The following AATF variants were observed in gnomAD, a reference collection of about 807,000 sequenced individuals.
The protein encoded by AATF is apoptosis antagonizing transcription factor, also known as protein AATF.
Under a neutral mutation model 63.7 loss-of-function variants are expected in AATF, and 48 were observed. The observed-to-expected ratio is 0.75, with a 90% CI of 0.60 to 0.96. The LOEUF is 0.96. Among genes scored for constraint, AATF ranks in the 40% least tolerant of loss-of-function variants. The pLI is 0.00. For missense variants in AATF, 639 were observed against 685.7 expected (o/e 0.93, Z 0.76); for synonymous variants, 258 against 247.7 (o/e 1.04, Z -0.39).
chr17:37,021,243 T>A (rs566697892), intron 10 of AATF: 1 of 422,240 alleles, frequency 2.4e-6, no homozygotes, highest in Non-Finnish European at 4.2e-6. Flanking sequence ...TGAAATAATA[T>A]ATGCATTCCC....
chr17:37,040,981 CT>C (rs2071633742), intron 11 of AATF, among the ~76,000 whole-genome samples: 1 of 152,166 alleles, frequency 6.6e-6, no homozygotes, highest in African/African-American at 2.4e-5. Context: ...CTATCACCTA[CT>C]TTTCTTAGAG....
intron 11 of AATF, among the ~76,000 whole-genome samples, chr17:37,054,221 C>T (rs961521240): frequency 6.6e-6 from 1 of 152,140 alleles, no homozygotes; most frequent in African/African-American, 2.4e-5. Context: ...CCCCATGCTG[C>T]TCCTGGGCCC....
At chr17:37,038,264 C>T (rs2071608818) in intron 11 of AATF, among the ~76,000 whole-genome samples, 2 of 152,140 alleles carry the variant, frequency 1.3e-5, no homozygotes, top group African/African-American at 2.4e-5. Flanking sequence ...TTGACAGACC[C>T]TCTGAGGCAG....
In AATF at chr17:36,949,129, G is replaced by T; in HGVS notation, c.4G>T (p.Ala2Ser). The change falls in exon 1 of 12, where the codon GCG (alanine) becomes TCG (serine). Residue 2 changes from alanine (A) to serine (S), a missense_variant. Physicochemically the swap from Ala to Ser is moderately conservative, Grantham distance 99. Coordinates refer to ENST00000619387, the MANE Select transcript of AATF (RefSeq NM_012138.4). M[A>S]GPQPLALQLE... ...AGTGGACCGGGAGCTGGTGACGATG[G>T]CGGGGCCGCAGCCCCTGGCGCTGCA... is the stretch of plus-strand genomic sequence containing the variant. 1 of 1,577,064 alleles carries T rather than the reference G, an allele frequency of 6.3e-7. No homozygotes were observed. The highest frequency in any genetic ancestry group is 8.6e-7 in the Non-Finnish European group (1 of 1,162,772).
chr17:36,963,914 C>T (rs113453799), intron 4 of AATF, among the ~76,000 whole-genome samples: 3,143 of 152,140 alleles, frequency 0.021, 118 homozygotes, highest in African/African-American at 0.071. Flanking sequence ...CAGTGGCTCA[C>T]GCCTGTAACC....
At chr17:36,967,501 C>T (rs1008071599) in intron 4 of AATF, among the ~76,000 whole-genome samples, 15 of 152,210 alleles carry the variant, frequency 9.9e-5, no homozygotes, top group African/African-American at 3.6e-4. Context: ...CCTTAAGTCT[C>T]TCCCAGAGCT....
At chr17:37,055,493 C>G (rs577688054) in intron 11 of AATF, 126 of 152,246 alleles carry the variant, frequency 8.3e-4, no homozygotes, top group African/African-American at 2.6e-3. Flanking sequence ...TTTGGTTTTG[C>G]TTTTAAAGTC....
chr17:36,963,080 T>G (rs76247712), intron 4 of AATF, among the ~76,000 whole-genome samples: 6,234 of 152,070 alleles, frequency 0.041, 420 homozygotes, highest in African/African-American at 0.14. Context: ...GATCGCACCA[T>G]TGCACTCCAG....
At chr17:37,030,896 A>G (rs546827103) in intron 10 of AATF, among the ~76,000 whole-genome samples, 5 of 152,274 alleles carry the variant, frequency 3.3e-5, no homozygotes, top group Admixed American at 2.6e-4. Context: ...TGCTTAAGAT[A>G]TATGTAGAGG....
chr17:36,956,110 G>C (rs144861616), intron 4 of AATF, among the ~76,000 whole-genome samples: 4 of 152,038 alleles, frequency 2.6e-5, no homozygotes, highest in African/African-American at 9.7e-5. Context: ...CTTTTATTTT[G>C]TTCTGATCTT....
At chr17:36,973,463 AAG>A (rs2071055581) in intron 4 of AATF, among the ~76,000 whole-genome samples, 1 of 152,178 alleles carries the variant, frequency 6.6e-6, no homozygotes, top group Non-Finnish European at 1.5e-5. Flanking sequence ...CCCCTTTTCA[AAG>A]AGAGTATGAA....
At chr17:37,009,823 CA>C (rs1160362372) in intron 8 of AATF, among the ~76,000 whole-genome samples, 2,257 of 28,656 alleles carry the variant, frequency 0.079, 4 homozygotes, top group African/African-American at 0.12. Flanking sequence ...GACTCCGTCT[CA>C]AAAAAAAAAA....
Position 36,949,295 on chromosome 17 carries a change from GTGCGCGAGGCCGCCGGGCC to G in AATF, c.91+85_91+103del, listed in dbSNP as rs1027926879. On this transcript the variant is annotated intron_variant, in intron 1 of 11. Coordinates refer to ENST00000619387, the MANE Select transcript of AATF (RefSeq NM_012138.4). ...GGCAAGGGGGCGGCGTGGGAGGGGC[GTGCGCGAGGCCGCCGGGCC>G]TGCGCTCCTTCGCTTGGCGCAGAGG... 4 of 1,371,742 alleles carry G rather than the reference GTGCGCGAGGCCGCCGGGCC, an allele frequency of 2.9e-6. No individual in the cohort carries two copies. The African/African-American group carries it at 6.0e-5, about 21-fold the overall frequency. The allele number at this position is 1,371,742 out of a possible 1,614,324, so 85.0% of individuals were successfully genotyped here. A position where few individuals can be genotyped will look rare whatever the true frequency, so the allele number is the denominator to read the frequency against.
At chr17:37,009,560 G>A (rs1417821479) in intron 8 of AATF, among the ~76,000 whole-genome samples, 3 of 150,514 alleles carry the variant, frequency 2.0e-5, no homozygotes, top group East Asian at 2.0e-4. Flanking sequence ...GCTCACGCCT[G>A]TAATCCCAGC....
chr17:36,988,521 A>G lies in AATF; in HGVS notation c.950A>G (p.Glu317Gly), dbSNP rs1313558249. ...TAATATTCTTACTGCTTTTCTAGTG[A>G]GGAGATTTCTAGTGAAGATGATGAG... ...VDGTKPNAGS[E>G]EISSEDDELV... Residue 317 changes from glutamate to glycine, a missense_variant and splice_region_variant, in exon 6 of 12, where the codon GAG (glutamate) becomes GGG (glycine). Transcript: ENST00000619387. The G allele has an allele frequency of 6.2e-7, 1 of 1,613,872 alleles. No homozygotes were observed. The highest frequency in any genetic ancestry group is 1.1e-5 in the South Asian group (1 of 91,036).
chr17:36,978,228 G>A (rs1023901357), intron 4 of AATF, among the ~76,000 whole-genome samples: 3 of 151,844 alleles, frequency 2.0e-5, no homozygotes, highest in Non-Finnish European at 4.4e-5. Flanking sequence ...ATTTCAACTT[G>A]TACTTACTCC....
At chr17:37,022,940 T>C (rs1452341381) in intron 10 of AATF, among the ~76,000 whole-genome samples, 5 of 152,126 alleles carry the variant, frequency 3.3e-5, no homozygotes, top group Non-Finnish European at 7.4e-5. Flanking sequence ...CCCAGCCCCC[T>C]TCAAGGATTT....
At chr17:36,975,249 T>C (rs1567970347) in intron 4 of AATF, among the ~76,000 whole-genome samples, 1 of 152,158 alleles carries the variant, frequency 6.6e-6, no homozygotes, top group Admixed American at 6.5e-5. Flanking sequence ...GTCTTTTTTT[T>C]CGTTAAAATT....
chr17:37,018,883 G>T, intron 8 of AATF, 122 bp from the exon 9 acceptor site: 1 of 762,506 alleles, frequency 1.3e-6, no homozygotes, highest in South Asian at 1.5e-5. Context: ...CCACTGGGTT[G>T]TCCCTTATTG....
Sources: allele counts gnomAD v4.1 joint callset (sites outside exome capture counted in the v4.1 genomes callset), GRCh38; gene constraint gnomAD v4.1.1; transcripts MANE v1.5; gene names NCBI Gene and HGNC (gene_info 2026-07-23, HGNC 2026-07-21).